Variants in SLC39A12 observed in about 807,000 individuals in gnomAD.
SLC39A12 encodes solute carrier family 39 member 12, also known as zinc transporter ZIP12.
SLC39A12 carries 63 observed loss-of-function variants against 71.1 expected under a neutral mutation model. The observed-to-expected ratio is 0.89, with a 90% CI of 0.72 to 1.09. The LOEUF (loss-of-function observed/expected upper bound fraction) is 1.09, where lower values mean the gene tolerates loss of function less well. Ranked by LOEUF, SLC39A12 falls within the 50% of genes least tolerant of loss-of-function variation. SLC39A12 has a pLI of 0.00. For missense variants in SLC39A12, 892 were observed against 812.6 expected, an observed-to-expected ratio of 1.10 and a Z score of -1.19; for synonymous variants, 351 against 301.3, an observed-to-expected ratio of 1.16 and a Z score of -1.71.
intron 6 of SLC39A12, 106 bp from the exon 7 acceptor site, chr10:17,987,373 C>T (rs1835424445): frequency 2.2e-6 from 2 of 929,352 alleles, no homozygotes; most frequent in Non-Finnish European, 3.3e-6. Flanking sequence ...AATCCATATC[C>T]CTACTGGCTG....
At chr10:18,009,542 A>G (rs1280443173) in intron 12 of SLC39A12, 1 of 152,162 alleles carries the variant, frequency 6.6e-6, no homozygotes, top group Non-Finnish European at 1.5e-5. Context: ...TAAAAACTTC[A>G]TTTCCTCTCC....
At chr10:17,993,922 A>G (rs1835620200) in intron 9 of SLC39A12, among the ~76,000 whole-genome samples, 1 of 152,202 alleles carries the variant, frequency 6.6e-6, no homozygotes, top group African/African-American at 2.4e-5. Flanking sequence ...TGCCTCCTGG[A>G]ACCATGGCCT....
chr10:17,971,224 T>A (rs779095813), intron 4 of SLC39A12, among the ~76,000 whole-genome samples: 4 of 148,154 alleles, frequency 2.7e-5, no homozygotes, highest in Non-Finnish European at 6.0e-5. Flanking sequence ...TTGTTGAGGA[T>A]TTTTGCATCA....
chr10:18,025,644 T>C (rs1489601576), intron 12 of SLC39A12, among the ~76,000 whole-genome samples: 1 of 152,172 alleles, frequency 6.6e-6, no homozygotes, highest in African/African-American at 2.4e-5. Flanking sequence ...TGTTGGACAT[T>C]TGGGTTGGTT....
chr10:17,985,839 A>AT lies in SLC39A12; in HGVS notation c.1097-1633dup, dbSNP rs550713258. On this transcript the variant is annotated intron_variant, in intron 6 of 12. Transcript: ENST00000377369. ...AACTTACAAATTATACTTTATAAATATTTTTTTAAAAGGAAGCCTAGAAAC... is the reference window on the plus strand; with the variant it reads ...AACTTACAAATTATACTTTATAAATATTTTTTTTAAAAGGAAGCCTAGAAAC... 2.0e-3 allele frequency among the ~76,000 whole-genome samples: 297 copies of AT among 152,090 alleles called. 2 individuals are homozygous for AT. In the South Asian group the frequency reaches 0.023, roughly 12 times the overall value.
At chr10:17,979,181 T>C (rs901320113) in intron 5 of SLC39A12, among the ~76,000 whole-genome samples, 1 of 152,212 alleles carries the variant, frequency 6.6e-6, no homozygotes, top group Non-Finnish European at 1.5e-5. Context: ...AATTTTCATT[T>C]TCTTTATAAA....
In SLC39A12 at chr10:18,024,302, G is replaced by T. The variant is rs540682658; in HGVS notation, c.1948-18403G>T. 7.9e-5 allele frequency among the ~76,000 whole-genome samples: 12 copies of T among 152,198 alleles called. No homozygotes were observed. The South Asian group carries it at 2.5e-3, about 32-fold the overall frequency. On this transcript the variant is annotated intron_variant, in intron 12 of 12. Coordinates refer to ENST00000377369, the MANE Select transcript of SLC39A12 (RefSeq NM_001145195.2). ...CCAAGGCCCTTGGGGTTCCTCATGG[G>T]CCTGAAAAGCGGCTCTGCCCTGACT...
chr10:18,018,269 A>G (rs967752591), intron 12 of SLC39A12, among the ~76,000 whole-genome samples: 2 of 152,202 alleles, frequency 1.3e-5, no homozygotes, highest in African/African-American at 4.8e-5. Flanking sequence ...TATGTGTTCT[A>G]GGAGCTTTTT....
At position 17,981,494 on chromosome 10, in the gene SLC39A12, G is replaced by C; in HGVS notation, c.1096+11G>C. On this transcript the variant is annotated intron_variant, in intron 6 of 12. Coordinates refer to ENST00000377369, the MANE Select transcript of SLC39A12 (RefSeq NM_001145195.2). Reference sequence around the variant, plus strand: ...CTACCACTCTGGAGAGTAAGTTCTGGATCTTCCTTCAGAAAGCTGATGTGC... The same window carrying C: ...CTACCACTCTGGAGAGTAAGTTCTGCATCTTCCTTCAGAAAGCTGATGTGC... The C allele has an allele frequency of 6.3e-7, 1 of 1,595,126 alleles. No homozygotes were observed. Among genetic ancestry groups the C allele is most frequent in the Non-Finnish European group, 8.6e-7 (1 of 1,169,420 alleles).
chr10:18,010,963 G>A (rs748997058), intron 12 of SLC39A12, among the ~76,000 whole-genome samples: 17 of 152,032 alleles, frequency 1.1e-4, no homozygotes, highest in Non-Finnish European at 2.5e-4. Context: ...AATAGTAAAT[G>A]TATTTCTCCT....
intron 2 of SLC39A12, among the ~76,000 whole-genome samples, chr10:17,955,002 A>T (rs1030074212): frequency 6.6e-6 from 1 of 152,194 alleles, no homozygotes; most frequent in East Asian, 1.9e-4. Flanking sequence ...ATCTGTGATG[A>T]CATTAATATA....
intron 3 of SLC39A12, 54 bp from the exon 4 acceptor site, chr10:17,965,429 A>T: frequency 6.5e-7 from 1 of 1,536,622 alleles, no homozygotes; most frequent in Non-Finnish European, 9.0e-7. Flanking sequence ...AGATGTTAGA[A>T]TCAAAATAAC....
intron 12 of SLC39A12, among the ~76,000 whole-genome samples, chr10:18,041,668 TATATATGTATATA>T: frequency 4.0e-5 from 1 of 25,210 alleles, no homozygotes; most frequent in Non-Finnish European, 1.1e-4. Flanking sequence ...TATATGTGTA[TATATATGTATATA>T]CATATGTATA....
At chr10:17,961,898 A>G (rs782630024) in intron 3 of SLC39A12, 36 bp downstream of exon 3, 6 of 1,587,208 alleles carry the variant, frequency 3.8e-6, no homozygotes, top group Non-Finnish European at 5.1e-6. Context: ...CTCTGCTGCT[A>G]AGATACAGTT....
At chr10:17,971,559 A>G (rs1365738739) in intron 4 of SLC39A12, among the ~76,000 whole-genome samples, 4 of 151,738 alleles carry the variant, frequency 2.6e-5, no homozygotes, top group Non-Finnish European at 5.9e-5. Context: ...TGGTTTAATC[A>G]TGGTAGGTTG....
At chr10:18,040,552 C>T (rs1163276317) in intron 12 of SLC39A12, among the ~76,000 whole-genome samples, 2 of 152,006 alleles carry the variant, frequency 1.3e-5, no homozygotes, top group Non-Finnish European at 2.9e-5. Context: ...GGTGGATCAC[C>T]TGAGGTCAGG....
At chr10:17,969,200 A>G (rs1379504762) in intron 4 of SLC39A12, among the ~76,000 whole-genome samples, 1 of 152,178 alleles carries the variant, frequency 6.6e-6, no homozygotes, top group Admixed American at 6.6e-5. Flanking sequence ...ATTGATAGAC[A>G]CTTAGGTTGC....
chr10:17,979,577 G>A (rs1835202203), intron 5 of SLC39A12, among the ~76,000 whole-genome samples: 1 of 152,080 alleles, frequency 6.6e-6, no homozygotes, highest in South Asian at 2.1e-4. Flanking sequence ...TCAATAACAA[G>A]TGGTGCAAAA....
intron 2 of SLC39A12, among the ~76,000 whole-genome samples, chr10:17,958,289 C>T (rs1245055146): frequency 9.9e-5 from 15 of 152,020 alleles, no homozygotes; most frequent in Non-Finnish European, 1.3e-4. Flanking sequence ...GTCTCATGGC[C>T]CCATGAGCGT....
Sources: allele counts gnomAD v4.1 joint callset (sites outside exome capture counted in the v4.1 genomes callset), GRCh38; gene constraint gnomAD v4.1.1; transcripts MANE v1.5; gene names NCBI Gene and HGNC (gene_info 2026-07-23, HGNC 2026-07-21).